ACTR3C: variants seen among roughly 807,000 people sequenced by gnomAD.
The protein encoded by ACTR3C is actin related protein 3C.
A neutral mutation model predicts 26.3 loss-of-function variants in ACTR3C; 18 were observed. That is an observed-to-expected ratio of 0.68 (90% CI 0.47 to 1.01). The LOEUF is 1.01. ACTR3C is among the 50% of genes least tolerant of loss of function. ACTR3C has a pLI of 0.00. For synonymous variants in ACTR3C, 55 were observed against 94.5 expected, an observed-to-expected ratio of 0.58 and a Z score of 2.42; for missense variants, 184 against 250.7, an observed-to-expected ratio of 0.73 and a Z score of 1.80.
chr7:150,102,535 G>A, the ACTR3C span, among the ~76,000 whole-genome samples: 5 of 151,888 alleles, frequency 3.3e-5, no homozygotes, highest in African/African-American at 9.7e-5. Context: ...AACTTGGACT[G>A]TAACCTCTTT....
At chr7:150,124,457 G>C in the ACTR3C span, among the ~76,000 whole-genome samples, 1 of 152,138 alleles carries the variant, frequency 6.6e-6, no homozygotes, top group Non-Finnish European at 1.5e-5. Flanking sequence ...TCTGTTGTTA[G>C]CTGGATCGCA....
chr7:149,992,797 C>T, the ACTR3C span, among the ~76,000 whole-genome samples: 1 of 152,188 alleles, frequency 6.6e-6, no homozygotes, highest in African/African-American at 2.4e-5. Context: ...CTCACATGCT[C>T]ACGAGGTGAA....
At chr7:150,258,563 A>T (rs1156267007) in intron 6 of ACTR3C, among the ~76,000 whole-genome samples, 1 of 152,262 alleles carries the variant, frequency 6.6e-6, no homozygotes, top group South Asian at 2.1e-4. Flanking sequence ...CTCCAAGTAC[A>T]TAATTGGAAC....
the ACTR3C span, among the ~76,000 whole-genome samples, chr7:150,088,086 C>T: frequency 6.6e-6 from 1 of 152,200 alleles, no homozygotes; most frequent in African/African-American, 2.4e-5. Context: ...ATACAAGTCT[C>T]TTGTCAGATA....
the ACTR3C span, among the ~76,000 whole-genome samples, chr7:149,920,923 C>T: frequency 2.6e-5 from 4 of 151,990 alleles, no homozygotes; most frequent in African/African-American, 9.7e-5. Flanking sequence ...TGCACCACCA[C>T]ACCTGGCTAA....
At chr7:150,244,661 T>C (rs1235195487), downstream of ACTR3C, 1 of 152,842 alleles carries the variant, frequency 6.5e-6, no homozygotes, top group African/African-American at 2.4e-5. Flanking sequence ...GAAGGAGCAG[T>C]TGCCCAAACC....
chr7:149,992,548 G>C, the ACTR3C span, among the ~76,000 whole-genome samples: 2 of 152,272 alleles, frequency 1.3e-5, no homozygotes, highest in East Asian at 3.9e-4. Context: ...ACCCCTTCCC[G>C]TCCGGGGCAG....
At chr7:150,003,919 G>A in the ACTR3C span, among the ~76,000 whole-genome samples, 3 of 150,588 alleles carry the variant, frequency 2.0e-5, no homozygotes, top group Non-Finnish European at 4.4e-5. Flanking sequence ...TGTGTAGGAT[G>A]TGGTATGTAG....
chr7:149,990,897 A>G, the ACTR3C span, among the ~76,000 whole-genome samples: 1 of 152,196 alleles, frequency 6.6e-6, no homozygotes, highest in African/African-American at 2.4e-5. Context: ...CAGGGTACAC[A>G]TGAGGGACAA....
At chr7:150,198,373 G>A in the ACTR3C span, among the ~76,000 whole-genome samples, 1,478 of 147,524 alleles carry the variant, frequency 0.01, 53 homozygotes, top group African/African-American at 0.037. Flanking sequence ...GTCTGCGCCC[G>A]GCCGCCATCC....
the ACTR3C span, among the ~76,000 whole-genome samples, chr7:150,116,934 G>A: frequency 2.6e-5 from 4 of 151,834 alleles, no homozygotes; most frequent in Non-Finnish European, 5.9e-5. Flanking sequence ...CATGGAGGGT[G>A]AGCAGAAGCA....
chr7:150,259,318 G>C (rs1833477706), intron 6 of ACTR3C, among the ~76,000 whole-genome samples: 1 of 147,854 alleles, frequency 6.8e-6, no homozygotes, highest in South Asian at 2.1e-4. Flanking sequence ...AAAAAGAGAG[G>C]AAAGAAAGGA....
At chr7:149,925,749 A>G in the ACTR3C span, among the ~76,000 whole-genome samples, 1 of 152,108 alleles carries the variant, frequency 6.6e-6, no homozygotes, top group Admixed American at 6.5e-5. Flanking sequence ...GAAAAAAATG[A>G]AACCATTAAA....
chr7:150,100,499 T>C, the ACTR3C span, among the ~76,000 whole-genome samples: 2 of 151,714 alleles, frequency 1.3e-5, no homozygotes, highest in Non-Finnish European at 2.9e-5. Context: ...TTAGTTTCTT[T>C]AGTAATTTTC....
the ACTR3C span, among the ~76,000 whole-genome samples, chr7:149,897,018 G>A: frequency 8.1e-3 from 1,144 of 141,368 alleles, 18 homozygotes; most frequent in African/African-American, 0.029. Flanking sequence ...CTGAGATCGC[G>A]CCACTGCACT....
At chr7:150,046,358 C>G in the ACTR3C span, among the ~76,000 whole-genome samples, 7 of 74,690 alleles carry the variant, frequency 9.4e-5, no homozygotes, top group Non-Finnish European at 1.7e-4. Flanking sequence ...CCCCCCCCCC[C>G]CCGACCCAAA....
At chr7:149,928,260 C>T in the ACTR3C span, among the ~76,000 whole-genome samples, 31 of 149,076 alleles carry the variant, frequency 2.1e-4, no homozygotes, top group Admixed American at 2.0e-3. Flanking sequence ...TGCAGTGGCG[C>T]GATCTCAGCT....
the ACTR3C span, among the ~76,000 whole-genome samples, chr7:150,012,155 G>A: frequency 1.3e-5 from 2 of 152,136 alleles, no homozygotes; most frequent in Admixed American, 1.3e-4. Context: ...GGCTAAGTCA[G>A]TAACTGCTAA....
chr7:150,146,011 A>G, the ACTR3C span, among the ~76,000 whole-genome samples: 3 of 151,748 alleles, frequency 2.0e-5, no homozygotes, highest in Non-Finnish European at 4.4e-5. Context: ...ATGAAAAAAT[A>G]TTCTTATTCC....
Sources: allele counts gnomAD v4.1 joint callset (sites outside exome capture counted in the v4.1 genomes callset), GRCh38; gene constraint gnomAD v4.1.1; transcripts MANE v1.5; gene names NCBI Gene and HGNC (gene_info 2026-07-23, HGNC 2026-07-21).